Variants in EVA1A observed in about 807,000 individuals in gnomAD.
EVA1A encodes protein eva-1 homolog A.
A neutral mutation model predicts 9.8 loss-of-function variants in EVA1A; 7 were observed. The observed-to-expected ratio is 0.71, with a 90% confidence interval of 0.41 to 1.34. The LOEUF is 1.34. EVA1A is among the 40% of genes most tolerant of loss of function. The pLI is 0.01. For missense variants in EVA1A, 206 were observed against 205.9 expected, an observed-to-expected ratio of 1.00 and a Z score of 0.00; for synonymous variants, 90 against 85.6, an observed-to-expected ratio of 1.05 and a Z score of -0.28.
intron 1 of EVA1A, among the ~76,000 whole-genome samples, chr2:75,545,427 G>T (rs1006432865): frequency 6.6e-6 from 1 of 152,192 alleles, no homozygotes; most frequent in Non-Finnish European, 1.5e-5. Context: ...TTCCCGATGA[G>T]AACCATCTTC....
chr2:75,524,605 A>G (rs963071893), intron 1 of EVA1A, among the ~76,000 whole-genome samples: 1 of 152,168 alleles, frequency 6.6e-6, no homozygotes, highest in African/African-American at 2.4e-5. Context: ...CAGTGCTGCT[A>G]GGAAAGCTTA....
chr2:75,527,007 G>GCAATCCAGAAACCCAA (rs1675469574), intron 1 of EVA1A, among the ~76,000 whole-genome samples: 2 of 152,266 alleles, frequency 1.3e-5, no homozygotes, highest in South Asian at 4.1e-4. Flanking sequence ...GAAGAAGCCA[G>GCAATCCAGAAACCCAA]CAATCCAGAA....
intron 1 of EVA1A, chr2:75,540,860 A>G (rs182607663): frequency 1.3e-3 from 191 of 152,354 alleles, no homozygotes; most frequent in African/African-American, 4.4e-3. Context: ...GACCTCCAGT[A>G]TAACATAAAG....
intron 1 of EVA1A, among the ~76,000 whole-genome samples, chr2:75,536,520 G>T (rs1444471569): frequency 1.3e-5 from 2 of 151,604 alleles, no homozygotes; most frequent in African/African-American, 2.4e-5. Context: ...TTACCAGAGG[G>T]TCTTTGAAAA....
chr2:75,544,799 C>A (rs1055885801), intron 1 of EVA1A, among the ~76,000 whole-genome samples: 116 of 152,306 alleles, frequency 7.6e-4, no homozygotes, highest in African/African-American at 2.7e-3. Flanking sequence ...AAAACCAATT[C>A]TTCCTATATT....
At chr2:75,516,017 C>A (rs940671964) in intron 3 of EVA1A, among the ~76,000 whole-genome samples, 1 of 152,166 alleles carries the variant, frequency 6.6e-6, no homozygotes, top group Non-Finnish European at 1.5e-5. Context: ...AAATAAGGGA[C>A]CACGTGGATA....
At chr2:75,531,544 A>G (rs768325195) in intron 1 of EVA1A, among the ~76,000 whole-genome samples, 1 of 151,686 alleles carries the variant, frequency 6.6e-6, no homozygotes, top group Admixed American at 6.6e-5. Context: ...TTATATATAT[A>G]TATAATATTC....
chr2:75,561,678 G>A (rs965403983), upstream of EVA1A, among the ~76,000 whole-genome samples: 6 of 152,168 alleles, frequency 3.9e-5, no homozygotes, highest in African/African-American at 1.4e-4. Context: ...GTCACGGAGT[G>A]AAAGAGCCTT....
At chr2:75,550,768 A>G (rs1676492173) in intron 1 of EVA1A, among the ~76,000 whole-genome samples, 1 of 152,208 alleles carries the variant, frequency 6.6e-6, no homozygotes, top group Non-Finnish European at 1.5e-5. Context: ...TGTGTGGAAA[A>G]GAGAAGCAAA....
chr2:75,544,538 G>A (rs189022866), intron 1 of EVA1A, among the ~76,000 whole-genome samples: 1 of 152,226 alleles, frequency 6.6e-6, no homozygotes, highest in Admixed American at 6.5e-5. Flanking sequence ...TGAAGTTTGA[G>A]CTCAAAATGC....
intron 2 of EVA1A, chr2:75,518,727 G>A (rs2103848671): frequency 2.0e-6 from 2 of 986,812 alleles, no homozygotes; most frequent in South Asian, 9.4e-5. Context: ...ATTCATCACT[G>A]CGTTTTAACT....
At chr2:75,532,541 T>C (rs1020380965) in intron 1 of EVA1A, among the ~76,000 whole-genome samples, 1 of 152,108 alleles carries the variant, frequency 6.6e-6, no homozygotes, top group Non-Finnish European at 1.5e-5. Flanking sequence ...CAATGAGTGA[T>C]CTGAAAGACA....
At position 75,518,209 on chromosome 2, in the gene EVA1A, C is replaced by A. The variant is rs1572960630; in HGVS notation, c.-68-1G>T. The stretch of plus-strand genomic sequence containing the variant: ...ACGTGGCCACTCTCCTTCTTCTCTT[C>A]TGTTTGGGAACATAAAGTGAGTGAT... On this transcript the variant is annotated splice_acceptor_variant, in intron 2 of 3. Transcript: ENST00000393913. LOFTEE classifies it low-confidence loss of function (5UTR_SPLICE). The A allele has an allele frequency of 5.0e-6, 8 of 1,587,596 alleles. No homozygotes were observed. The highest frequency in any genetic ancestry group is 1.3e-5 in the African/African-American group (1 of 74,102).
chr2:75,550,846 A>G (rs1314072930), intron 1 of EVA1A, among the ~76,000 whole-genome samples: 3 of 152,184 alleles, frequency 2.0e-5, no homozygotes, highest in Non-Finnish European at 4.4e-5. Flanking sequence ...CTGGTCGGGC[A>G]GGCACGGTGG....
At chr2:75,554,555 A>C (rs1387077398) in intron 1 of EVA1A, among the ~76,000 whole-genome samples, 1 of 152,194 alleles carries the variant, frequency 6.6e-6, no homozygotes, top group Non-Finnish European at 1.5e-5. Context: ...TGATGATAAC[A>C]GCTCTCTGGA....
intron 1 of EVA1A, among the ~76,000 whole-genome samples, chr2:75,543,339 C>T (rs1409985206): frequency 1.3e-5 from 2 of 152,102 alleles, no homozygotes; most frequent in Non-Finnish European, 2.9e-5. Flanking sequence ...ATGTAGAACT[C>T]GCAGAAGTAA....
At chr2:75,567,008 T>C (rs931493378) in intron 1 of EVA1A, among the ~76,000 whole-genome samples, 1 of 152,106 alleles carries the variant, frequency 6.6e-6, no homozygotes, top group South Asian at 2.1e-4. Flanking sequence ...CACTGTAAAA[T>C]TGAGAGATTT....
At chr2:75,519,212 T>C (rs983639363) in intron 2 of EVA1A, among the ~76,000 whole-genome samples, 3 of 152,180 alleles carry the variant, frequency 2.0e-5, no homozygotes, top group African/African-American at 7.2e-5. Flanking sequence ...AATTCGATGC[T>C]GCTATGAACT....
rs578108119 is a variant in EVA1A at position 75,518,212 on chromosome 2, T to C, written c.-68-4A>G. On this transcript the variant is annotated splice_region_variant and splice_polypyrimidine_tract_variant and intron_variant, in intron 2 of 3. Coordinates refer to ENST00000393913, the MANE Select transcript of EVA1A (RefSeq NM_001135032.2). ...TGGCCACTCTCCTTCTTCTCTTCTG[T>C]TTGGGAACATAAAGTGAGTGATAAG... The C allele has an allele frequency of 1.1e-4, 172 of 1,581,510 alleles. No homozygotes were observed. Among genetic ancestry groups the C allele is most frequent in the Non-Finnish European group, 1.5e-4 (171 of 1,166,346 alleles).
Sources: allele counts gnomAD v4.1 joint callset (sites outside exome capture counted in the v4.1 genomes callset), GRCh38; gene constraint gnomAD v4.1.1; transcripts MANE v1.5; gene names NCBI Gene and HGNC (gene_info 2026-07-23, HGNC 2026-07-21).